KITLG: variants seen among roughly 807,000 people sequenced by gnomAD.
KITLG encodes KIT ligand, also known as c-Kit ligand.
KITLG carries 13 observed loss-of-function variants against 34.1 expected under a neutral mutation model. The ratio of observed to expected loss-of-function variants is 0.38; its 90% confidence interval spans 0.25 to 0.61. KITLG has a LOEUF of 0.61. KITLG is among the 20% of genes least tolerant of loss of function. The pLI, the probability that KITLG is intolerant of heterozygous loss-of-function variation, is 0.60. For missense variants in KITLG, 292 were observed against 318.9 expected (o/e 0.92, Z 0.64); for synonymous variants, 110 against 104.0 (o/e 1.06, Z -0.35).
intron 1 of KITLG, among the ~76,000 whole-genome samples, chr12:88,553,654 C>T (rs887980091): frequency 6.6e-6 from 1 of 152,038 alleles, no homozygotes; most frequent in Non-Finnish European, 1.5e-5. Context: ...CCCGTTTATT[C>T]CCCCACAACA....
intron 2 of KITLG, among the ~76,000 whole-genome samples, chr12:88,538,961 T>C (rs758967352): frequency 4.3e-4 from 66 of 152,290 alleles, no homozygotes; most frequent in Non-Finnish European, 7.4e-4. Context: ...TGATTGACCA[T>C]GTCCAGTGAC....
rs991884962 is a variant in KITLG, at chr12:88,505,098, A to G, written c.*37+61T>C. ...ACAAACCTGCACATTGTGCACATGTACCCTAGAACTTAAAGTATAATAAAA... is the reference window on the plus strand; with the variant it reads ...ACAAACCTGCACATTGTGCACATGTGCCCTAGAACTTAAAGTATAATAAAA... On this transcript the variant is annotated intron_variant, in intron 9 of 9. Transcript: ENST00000644744. The G allele has an allele frequency of 3.3e-4, 277 of 840,346 alleles. 1 individual carries two copies. The highest frequency in any genetic ancestry group is 4.6e-4 in the Non-Finnish European group (236 of 512,930). 52.1% of individuals were successfully genotyped at this position (840,346 alleles called of 1,614,324 possible).
intron 2 of KITLG, among the ~76,000 whole-genome samples, chr12:88,541,002 G>C (rs1217395553): frequency 6.6e-6 from 1 of 152,058 alleles, no homozygotes; most frequent in Non-Finnish European, 1.5e-5. Context: ...CTGAAGAAAA[G>C]CTTAGAATTC....
chr12:88,539,766 T>A (rs1290180220), intron 2 of KITLG, among the ~76,000 whole-genome samples: 17 of 151,712 alleles, frequency 1.1e-4, no homozygotes, highest in Admixed American at 1.1e-3. Context: ...AAGAAAAAAA[T>A]TTAAAAAATT....
At chr12:88,559,119 T>C (rs41309411) in intron 1 of KITLG, among the ~76,000 whole-genome samples, 3 of 152,210 alleles carry the variant, frequency 2.0e-5, no homozygotes, top group African/African-American at 7.2e-5. Context: ...GTGCACAGAA[T>C]ACTGTTGATT....
intron 6 of KITLG, among the ~76,000 whole-genome samples, chr12:88,512,161 A>G (rs1869300933): frequency 6.6e-6 from 1 of 152,174 alleles, no homozygotes; most frequent in Non-Finnish European, 1.5e-5. Flanking sequence ...ATTTTTTTTC[A>G]TAATGAGTAT....
intron 1 of KITLG, among the ~76,000 whole-genome samples, chr12:88,567,453 T>G (rs1484733957): frequency 6.6e-6 from 1 of 152,198 alleles, no homozygotes; most frequent in Non-Finnish European, 1.5e-5. Flanking sequence ...TGTCAAAGAA[T>G]GGAATGCTTG....
intron 6 of KITLG, among the ~76,000 whole-genome samples, chr12:88,509,015 C>T (rs575672820): frequency 4.6e-5 from 7 of 152,106 alleles, no homozygotes; most frequent in Non-Finnish European, 8.8e-5. Context: ...TTTTGGTTCT[C>T]CTTGAAGGCC....
chr12:88,544,848 A>G (rs1396986165), intron 2 of KITLG, among the ~76,000 whole-genome samples: 1 of 152,306 alleles, frequency 6.6e-6, no homozygotes, highest in Non-Finnish European at 1.5e-5. Flanking sequence ...GAAGATAAAT[A>G]GAGCCCCTTC....
chr12:88,515,497 G>A (rs1199796071), intron 6 of KITLG, 37 bp downstream of exon 6: 2 of 1,314,226 alleles, frequency 1.5e-6, no homozygotes, highest in Non-Finnish European at 2.2e-6. Context: ...GTGCTAATTG[G>A]AGCCATGCAT....
intron 1 of KITLG, 103 bp downstream of exon 1, chr12:88,580,161 C>T: frequency 7.9e-7 from 1 of 1,269,816 alleles, no homozygotes; most frequent in Non-Finnish European, 1.1e-6. Flanking sequence ...AGGCACAGCC[C>T]TGCACGCCCC....
At chr12:88,572,069 A>G (rs1260682634) in intron 1 of KITLG, among the ~76,000 whole-genome samples, 1 of 152,202 alleles carries the variant, frequency 6.6e-6, no homozygotes, top group Admixed American at 6.5e-5. Flanking sequence ...TAATATAATG[A>G]TAGAAGCTAT....
At chr12:88,540,764 G>A (rs1012411926) in intron 2 of KITLG, among the ~76,000 whole-genome samples, 1 of 152,072 alleles carries the variant, frequency 6.6e-6, no homozygotes, top group Non-Finnish European at 1.5e-5. Flanking sequence ...TCTATCTAGA[G>A]TTTTAATAAA....
intron 4 of KITLG, among the ~76,000 whole-genome samples, chr12:88,517,147 A>G (rs1372900188): frequency 4.6e-5 from 7 of 151,988 alleles, no homozygotes; most frequent in African/African-American, 1.4e-4. Flanking sequence ...CTAGTGATAT[A>G]TTGAATTAGT....
intron 2 of KITLG, among the ~76,000 whole-genome samples, chr12:88,538,861 G>A (rs2120894875): frequency 6.6e-6 from 1 of 152,260 alleles, no homozygotes; most frequent in East Asian, 1.9e-4. Flanking sequence ...ATGCCAGATT[G>A]TAAAATAAAA....
At chr12:88,530,575 G>A (rs947286580) in intron 3 of KITLG, among the ~76,000 whole-genome samples, 2 of 152,082 alleles carry the variant, frequency 1.3e-5, no homozygotes, top group East Asian at 1.9e-4. Flanking sequence ...TTCTTCAAGT[G>A]TCTGCCAAAG....
At chr12:88,570,574 T>C (rs1224739560) in intron 1 of KITLG, among the ~76,000 whole-genome samples, 1 of 152,056 alleles carries the variant, frequency 6.6e-6, no homozygotes, top group Non-Finnish European at 1.5e-5. Flanking sequence ...TTTCAGTTTG[T>C]ATGTGTATGC....
At chr12:88,519,407 T>C (rs1368650745) in intron 3 of KITLG, among the ~76,000 whole-genome samples, 1 of 152,128 alleles carries the variant, frequency 6.6e-6, no homozygotes, top group Non-Finnish European at 1.5e-5. Flanking sequence ...ACTGCTGAAA[T>C]GCTGCAGTGA....
chr12:88,576,314 C>G (rs556855159), intron 1 of KITLG, among the ~76,000 whole-genome samples: 1 of 152,080 alleles, frequency 6.6e-6, no homozygotes, highest in East Asian at 1.9e-4. Flanking sequence ...AGATATTAGC[C>G]TATCATGGGA....
Sources: gnomAD v4.1 joint callset for allele counts (sites outside exome capture counted in the v4.1 genomes callset) on GRCh38, gnomAD v4.1.1 for gene constraint, MANE v1.5 for transcripts, NCBI Gene and HGNC (gene_info 2026-07-23, HGNC 2026-07-21) for gene names.